The following TPCN1 variants were observed in gnomAD, a reference collection of about 807,000 sequenced individuals.
TPCN1 encodes two pore segment channel 1.
A neutral mutation model predicts 108.8 loss-of-function variants in TPCN1; 52 were observed. The observed-to-expected ratio is 0.48, with a 90% confidence interval of 0.38 to 0.60. The LOEUF (loss-of-function observed/expected upper bound fraction) is 0.60. Among genes scored for constraint, TPCN1 ranks in the 20% least tolerant of loss-of-function variants. The pLI, the probability that TPCN1 is intolerant of heterozygous loss-of-function variation, is 0.00. For missense variants in TPCN1, 806 were observed against 1,072.8 expected, an observed-to-expected ratio of 0.75 and a Z score of 3.47; for synonymous variants, 446 against 433.7, an observed-to-expected ratio of 1.03 and a Z score of -0.35.
intron 27 of TPCN1, among the ~76,000 whole-genome samples, chr12:113,294,979 G>A (rs775324394): frequency 2.0e-5 from 3 of 152,194 alleles, no homozygotes; most frequent in Admixed American, 6.5e-5. Context: ...CACATTCTCC[G>A]GGAACACAAG....
intron 2 of TPCN1, among the ~76,000 whole-genome samples, chr12:113,239,128 G>A (rs910318173): frequency 5.3e-5 from 8 of 152,154 alleles, no homozygotes; most frequent in Admixed American, 2.6e-4. Flanking sequence ...GTAAGACCCT[G>A]TCTCTAGAAA....
At chr12:113,270,515 C>G (rs1449422655) in intron 7 of TPCN1, among the ~76,000 whole-genome samples, 1 of 151,720 alleles carries the variant, frequency 6.6e-6, no homozygotes, top group Admixed American at 6.6e-5. Context: ...GAGTCTCACC[C>G]TGTCACCCAG....
At chr12:113,277,784 G>T (rs1335844608) in intron 12 of TPCN1, among the ~76,000 whole-genome samples, 1 of 152,128 alleles carries the variant, frequency 6.6e-6, no homozygotes, top group African/African-American at 2.4e-5. Flanking sequence ...TGATGACCAA[G>T]CCCTGTCCAC....
At chr12:113,244,330 A>AGG in intron 2 of TPCN1, 2 of 985,484 alleles carry the variant, frequency 2.0e-6, no homozygotes, top group Non-Finnish European at 2.4e-6. Flanking sequence ...TTCAACTGGG[A>AGG]GGGCTCTGTG....
chr12:113,267,913 T>C lies in TPCN1; in HGVS notation c.485T>C (p.Leu162Pro). 2 of 1,614,174 alleles carry C rather than the reference T, an allele frequency of 1.2e-6. No homozygotes were observed. The highest frequency in any genetic ancestry group is 1.7e-6 in the Non-Finnish European group (2 of 1,179,996). Residue 162 changes from leucine (L) to proline (P), a missense_variant, in exon 5 of 28, where the codon CTG becomes CCG. By Grantham distance (98) the Leu-to-Pro change is moderately conservative (BLOSUM62 -3). Coordinates refer to ENST00000335509, the MANE Select transcript of TPCN1 (RefSeq NM_017901.6). The stretch of plus-strand genomic sequence containing the variant: ...GAACTCTGCATGAAGTTACGCTGGC[T>C]GGGCCTCCACACCTTCATCCGGCAC... ...VFELCMKLRW[L>P]GLHTFIRHKR...
intron 2 of TPCN1, among the ~76,000 whole-genome samples, chr12:113,239,598 C>T (rs1954027298): frequency 6.6e-6 from 1 of 152,194 alleles, no homozygotes; most frequent in Non-Finnish European, 1.5e-5. Flanking sequence ...AAACCAGCCC[C>T]TGGAGCCACT....
intron 2 of TPCN1, among the ~76,000 whole-genome samples, chr12:113,228,491 T>G (rs1053240849): frequency 2.0e-5 from 3 of 152,158 alleles, no homozygotes; most frequent in Admixed American, 1.3e-4. Flanking sequence ...GGTGCATGCC[T>G]GTAGTCCCAG....
intron 27 of TPCN1, chr12:113,294,195 C>T (rs1232752398): frequency 2.0e-5 from 3 of 152,248 alleles, no homozygotes; most frequent in Non-Finnish European, 2.9e-5. Context: ...AGTGATCCTC[C>T]CCACTCAGCC....
intron 2 of TPCN1, among the ~76,000 whole-genome samples, chr12:113,242,784 C>T (rs1954201200): frequency 6.6e-6 from 1 of 152,182 alleles, no homozygotes. Context: ...CTGTGAATAC[C>T]TCCTCATCCC....
chr12:113,296,091 G>A lies in TPCN1; in HGVS notation c.*15G>A. 1.9e-6 allele frequency: 3 copies of A among 1,612,092 alleles called. No individual in the cohort carries two copies. Among genetic ancestry groups the A allele is most frequent in the Non-Finnish European group, 2.5e-6 (3 of 1,178,920 alleles). Reference sequence around the variant, plus strand: ...CCGTTACCTAGCCCAGCGCCCGAAAGCCGTCTCTTCTATGCAATAACACAA... The same window carrying A: ...CCGTTACCTAGCCCAGCGCCCGAAAACCGTCTCTTCTATGCAATAACACAA... On this transcript the variant is annotated 3_prime_UTR_variant, in exon 28 of 28. Coordinates refer to ENST00000335509, the MANE Select transcript of TPCN1 (RefSeq NM_017901.6).
At chr12:113,255,403 A>G (rs1954795736) in intron 2 of TPCN1, among the ~76,000 whole-genome samples, 3 of 152,220 alleles carry the variant, frequency 2.0e-5, no homozygotes, top group Admixed American at 2.0e-4. Context: ...AAAGATCAAA[A>G]TAAACTGACA....
rs543104100 is a variant in TPCN1, at chr12:113,288,987, C to T, written c.1796+140C>T. Reference sequence around the variant, plus strand: ...CAACCACCTTGCTTTGCTTTCAGGGCTTAGTTGAGTGCAGTGAGCTAAATG... The same window carrying T: ...CAACCACCTTGCTTTGCTTTCAGGGTTTAGTTGAGTGCAGTGAGCTAAATG... On this transcript the variant is annotated intron_variant, in intron 21 of 27. Transcript: ENST00000335509. The surrounding 1 kb of genome is among the most constrained non-coding windows in gnomAD (Gnocchi z 4.8). 8.9e-5 allele frequency: 72 copies of T among 809,616 alleles called. No homozygotes were observed. In the South Asian group the frequency reaches 1.1e-3, roughly 12 times the overall value. 50.2% of individuals were successfully genotyped at this position (809,616 alleles called of 1,614,324 possible).
Position 113,284,862 on chromosome 12 carries a change from A to G in TPCN1, c.1453+91A>G. The G allele has an allele frequency of 7.2e-7, 1 of 1,385,552 alleles. No homozygotes were observed. The highest frequency in any genetic ancestry group is 1.0e-6 in the Non-Finnish European group (1 of 974,570). The allele number at this position is 1,385,552 out of a possible 1,614,324, so 85.8% of individuals were successfully genotyped here. A position where few individuals can be genotyped will look rare whatever the true frequency, so the allele number is the denominator to read the frequency against. On this transcript the variant is annotated intron_variant, in intron 17 of 27. Transcript: ENST00000335509. The surrounding 1 kb of genome is among the most constrained non-coding windows in gnomAD (Gnocchi z 4.1). ...GTGTAGAACCTCATGGTTCTTCTCT[A>G]AAACAGGAAGCTATAAAGAGACGGA...
Position 113,290,210 on chromosome 12 carries a change from C to T in TPCN1, c.1879C>T (p.Leu627Phe), listed in dbSNP as rs1188856889. The T allele has an allele frequency of 6.2e-7, 1 of 1,605,864 alleles. No homozygotes were observed. Among genetic ancestry groups the T allele is most frequent in the Non-Finnish European group, 8.5e-7 (1 of 1,175,544 alleles). The change falls in exon 22 of 28, where the codon CTC becomes TTC. Residue 627 changes from leucine to phenylalanine, a missense_variant. Physicochemically the swap from Leu to Phe is conservative, Grantham distance 22. Transcript: ENST00000335509. ...CGTGGTGGAGGAAGGCTACTATTAT[C>T]TCAATAATTTTGACAACATCCTCAA... ...RTVVEEGYYY[L>F]NNFDNILNSF...
chr12:113,276,851 AC>A (rs1955688607), intron 10 of TPCN1, 67 bp from the exon 11 acceptor site: 5 of 1,054,912 alleles, frequency 4.7e-6, no homozygotes, highest in Admixed American at 1.7e-5. Context: ...ATGAACTCAT[AC>A]CCCCCTGCAC....
chr12:113,225,955 A>G (rs143458014), intron 1 of TPCN1, among the ~76,000 whole-genome samples: 4 of 152,268 alleles, frequency 2.6e-5, no homozygotes, highest in African/African-American at 9.6e-5. Context: ...CCTGGGCTCA[A>G]GTGAGCCTTC....
At chr12:113,265,605 G>A (rs1955228024) in intron 3 of TPCN1, among the ~76,000 whole-genome samples, 3 of 149,362 alleles carry the variant, frequency 2.0e-5, no homozygotes, top group Admixed American at 1.3e-4. Flanking sequence ...GGAGCGCAGT[G>A]GCACGATCTT....
chr12:113,235,028 G>C (rs954035144), intron 2 of TPCN1, among the ~76,000 whole-genome samples: 3 of 152,182 alleles, frequency 2.0e-5, no homozygotes, highest in African/African-American at 7.2e-5. Flanking sequence ...AAGGAAAAGA[G>C]TACAAAACCA....
chr12:113,240,513 C>G (rs540169960), intron 2 of TPCN1, among the ~76,000 whole-genome samples: 1 of 152,294 alleles, frequency 6.6e-6, no homozygotes, highest in South Asian at 2.1e-4. Context: ...ATATGATTGT[C>G]TACAGTCAGA....
Sources: allele counts gnomAD v4.1 joint callset (sites outside exome capture counted in the v4.1 genomes callset), GRCh38; gene constraint gnomAD v4.1.1; non-coding constraint Gnocchi (gnomAD v3.1); transcripts MANE v1.5; gene names NCBI Gene and HGNC (gene_info 2026-07-23, HGNC 2026-07-21).